ELL: variants seen among roughly 807,000 people sequenced by gnomAD.
The protein encoded by ELL is elongation factor for RNA polymerase II, also known as RNA polymerase II elongation factor ELL.
ELL carries 18 observed loss-of-function variants against 64.0 expected under a neutral mutation model. That is an observed-to-expected ratio of 0.28 (90% confidence interval 0.19 to 0.42). ELL has a LOEUF of 0.42. Among genes scored for constraint, ELL ranks in the 10% least tolerant of loss-of-function variants. The pLI, the probability that ELL is intolerant of heterozygous loss-of-function variation, is 1.00. For missense variants in ELL, 797 were observed against 870.4 expected (o/e 0.92, Z 1.06); for synonymous variants, 399 against 376.2 (o/e 1.06, Z -0.70).
chr19:18,519,231 CAA>C (rs781417623), intron 1 of ELL, among the ~76,000 whole-genome samples: 14 of 106,540 alleles, frequency 1.3e-4, no homozygotes, highest in Non-Finnish European at 9.7e-5. Flanking sequence ...GACTCCGTCT[CAA>C]AAAAAAAAAA....
chr19:18,505,310 T>A (rs1975859644), intron 1 of ELL, among the ~76,000 whole-genome samples: 1 of 152,212 alleles, frequency 6.6e-6, no homozygotes, highest in Non-Finnish European at 1.5e-5. Flanking sequence ...AGATAGCTTT[T>A]GCTATTCTTC....
intron 1 of ELL, among the ~76,000 whole-genome samples, chr19:18,509,587 GCGCGCGCACATACACACACACACA>G (rs1374616008): frequency 2.3e-4 from 26 of 112,882 alleles, no homozygotes; most frequent in Admixed American, 1.6e-3. Context: ...GCACGTGCGC[GCGCGCGCACATACACACACACACA>G]CACACACACA....
In ELL at chr19:18,442,720, T is replaced by G. The variant is rs953264514; in HGVS notation, c.*2032A>C. The stretch of plus-strand genomic sequence containing the variant: ...AAAGTCAGCATTCACCTGTTTAGTG[T>G]ACAAAAAGGACACTAGATCTTTTAA... On this transcript the variant is annotated 3_prime_UTR_variant, in exon 12 of 12. Transcript: ENST00000262809. 1.0e-5 allele frequency: 2 copies of G among 196,860 alleles called. No homozygotes were observed. Among genetic ancestry groups the G allele is most frequent in the Non-Finnish European group, 2.1e-5 (2 of 94,600 alleles). 12.2% of individuals were successfully genotyped at this position (196,860 alleles called of 1,614,324 possible).
chr19:18,494,911 T>G (rs2144958285), intron 1 of ELL, among the ~76,000 whole-genome samples: 1 of 152,300 alleles, frequency 6.6e-6, no homozygotes, highest in South Asian at 2.1e-4. Context: ...ACCCTGTACC[T>G]CTAGGCAGAT....
intron 1 of ELL, among the ~76,000 whole-genome samples, chr19:18,485,248 C>A (rs1320444664): frequency 6.6e-6 from 1 of 152,180 alleles, no homozygotes; most frequent in African/African-American, 2.4e-5. Flanking sequence ...CCCCAGGAGG[C>A]CCCTCCAGGC....
intron 1 of ELL, among the ~76,000 whole-genome samples, chr19:18,485,017 G>A (rs888348416): frequency 1.3e-5 from 2 of 152,180 alleles, no homozygotes; most frequent in African/African-American, 4.8e-5. Flanking sequence ...CCTAGCCCTG[G>A]GTTCCTGACG....
chr19:18,487,186 AT>A (rs1422418293), intron 1 of ELL, among the ~76,000 whole-genome samples: 1 of 152,190 alleles, frequency 6.6e-6, no homozygotes, highest in African/African-American at 2.4e-5. Flanking sequence ...ATGGGCTGGC[AT>A]TCCCCATAAA....
chr19:18,472,143 G>A (rs1290514886), intron 2 of ELL, among the ~76,000 whole-genome samples: 1 of 151,946 alleles, frequency 6.6e-6, no homozygotes. Context: ...TGTATTTTTA[G>A]TAGAGACGCG....
At position 18,465,458 on chromosome 19, in the gene ELL, C is replaced by T. The variant is rs775236373; in HGVS notation, c.423G>A (p.Thr141=). 11 of 1,612,054 alleles carry T rather than the reference C, an allele frequency of 6.8e-6. No homozygotes were observed. The highest frequency in any genetic ancestry group is 9.3e-6 in the Non-Finnish European group (11 of 1,178,710). ...TGATGACAATGGCACTTCGGCTCCG[C>T]GTCTCCTCCTCCGCCTGGGCCATGC... is the stretch of plus-strand genomic sequence containing the variant. ...RQSMAQAEEE[T]RSRSAIVIKA... is the part of the protein sequence containing the mutation. Residue 141 remains threonine (T), a synonymous_variant, in exon 4 of 12, where the codon ACG becomes ACA. Transcript: ENST00000262809.
intron 1 of ELL, among the ~76,000 whole-genome samples, chr19:18,477,245 G>C (rs1180616737): frequency 2.0e-5 from 3 of 152,180 alleles, no homozygotes; most frequent in Non-Finnish European, 4.4e-5. Flanking sequence ...AGTCACAGCA[G>C]GCACCACAGA....
rs1188135567 is a variant in ELL at position 18,521,916 on chromosome 19, C to G, written c.135+5G>C. On this transcript the variant is annotated splice_donor_5th_base_variant and intron_variant, in intron 1 of 11. Coordinates refer to ENST00000262809, the MANE Select transcript of ELL (RefSeq NM_006532.4). ...CACTGGCGCGCCGGGCGCCATGCCA[C>G]TCACCTGTCTGGCGCGGTAGCTCTC... The G allele has an allele frequency of 2.5e-6, 4 of 1,586,528 alleles. No individual in the cohort carries two copies. The South Asian group carries it at 4.5e-5, about 18-fold the overall frequency.
intron 2 of ELL, among the ~76,000 whole-genome samples, chr19:18,470,693 G>A (rs1164155544): frequency 1.3e-5 from 2 of 152,176 alleles, no homozygotes; most frequent in Non-Finnish European, 2.9e-5. Context: ...ACCAGATACT[G>A]AAAGCAAGTA....
chr19:18,452,625 C>G lies in ELL; in HGVS notation c.870-977G>C, dbSNP rs1420003132. Among the ~76,000 whole-genome samples, 5 of 152,346 alleles carry G rather than the reference C, an allele frequency of 3.3e-5. No individual in the cohort carries two copies. In the East Asian group the frequency reaches 7.7e-4, roughly 23 times the overall value. ...CACCACGACCTCAGGGGACAACAGA[C>G]TGCTGCAGGGCCATCCCCCACAGCT... is the stretch of plus-strand genomic sequence containing the variant. On this transcript the variant is annotated intron_variant, in intron 6 of 11. Coordinates refer to ENST00000262809, the MANE Select transcript of ELL (RefSeq NM_006532.4).
chr19:18,482,307 CCTTTTTTTT>C (rs1163662560), intron 1 of ELL, among the ~76,000 whole-genome samples: 1 of 79,046 alleles, frequency 1.3e-5, no homozygotes, highest in African/African-American at 8.6e-5. Context: ...TCTTTTCATT[CCTTTTTTTT>C]TTTTTTTTTT....
At chr19:18,509,593 G>GCGCGCGCGCGCGCACACACACACACA (rs1438642062) in intron 1 of ELL, among the ~76,000 whole-genome samples, 1 of 83,240 alleles carries the variant, frequency 1.2e-5, no homozygotes, top group Non-Finnish European at 2.9e-5. Flanking sequence ...GCGCGCGCGC[G>GCGCGCGCGCGCGCACACACACACACA]CACATACACA....
chr19:18,451,437 A>C, intron 7 of ELL, 115 bp downstream of exon 7: 1 of 1,013,828 alleles, frequency 9.9e-7, no homozygotes, highest in Non-Finnish European at 1.3e-6. Context: ...AGGCGGCTCA[A>C]CTTGGAGCAG....
At chr19:18,464,505 C>T (rs1339445227) in intron 4 of ELL, among the ~76,000 whole-genome samples, 8 of 152,146 alleles carry the variant, frequency 5.3e-5, no homozygotes, top group African/African-American at 1.9e-4. Flanking sequence ...CATGTCCACC[C>T]GGACTCAGTG....
At chr19:18,479,989 T>TCTA (rs1600470516) in intron 1 of ELL, among the ~76,000 whole-genome samples, 2 of 152,144 alleles carry the variant, frequency 1.3e-5, no homozygotes, top group East Asian at 3.9e-4. Context: ...CTCCCTGCTG[T>TCTA]CTACTGGGCA....
chr19:18,443,207 G>GGCCCA lies in ELL; in HGVS notation c.*1540_*1544dup, dbSNP rs1350939261. 1 of 231,794 alleles carries GGCCCA rather than the reference G, an allele frequency of 4.3e-6. No homozygotes were observed. Among genetic ancestry groups the GGCCCA allele is most frequent in the Non-Finnish European group, 8.5e-6 (1 of 117,148 alleles). The allele number at this position is 231,794 out of a possible 1,614,324, so 14.4% of individuals were successfully genotyped here. On this transcript the variant is annotated 3_prime_UTR_variant, in exon 12 of 12. Transcript: ENST00000262809. ...GCTCGGCCCTTCCCCGGCCCGGCCC[G>GGCCCA]GCCCAAAGAGAAAAACAACAACAGC... is the stretch of plus-strand genomic sequence containing the variant.
Sources: allele counts gnomAD v4.1 joint callset (sites outside exome capture counted in the v4.1 genomes callset), GRCh38; gene constraint gnomAD v4.1.1; transcripts MANE v1.5; gene names NCBI Gene and HGNC (gene_info 2026-07-23, HGNC 2026-07-21).